Variants in STAG1 observed in about 807,000 individuals in gnomAD.
STAG1 encodes the protein STAG1 cohesin complex component.
STAG1 carries 26 observed loss-of-function variants against 170.9 expected under a neutral mutation model. The observed-to-expected ratio is 0.15, with a 90% CI of 0.11 to 0.21. The LOEUF is 0.21. Ranked by LOEUF, STAG1 falls within the 10% of genes least tolerant of loss-of-function variation. The pLI, the probability that STAG1 is intolerant of heterozygous loss-of-function variation, is 1.00. For synonymous variants in STAG1, 514 were observed against 497.7 expected (o/e 1.03, Z -0.44); for missense variants, 964 against 1,509.5 (o/e 0.64, Z 5.99).
rs568370108 is a variant in STAG1, at chr3:136,644,838, A to T, written c.-83-13857T>A. On this transcript the variant is annotated intron_variant, in intron 1 of 33. Coordinates refer to ENST00000383202, the MANE Select transcript of STAG1 (RefSeq NM_005862.3). ...CCGGCTCAAGCCATCCTCCTACCTC[A>T]GCCTCCCCAGTAGCTGGGACTATAG... 2.0e-5 allele frequency among the ~76,000 whole-genome samples: 3 copies of T among 152,064 alleles called. No individual in the cohort carries two copies. In the South Asian group the frequency reaches 6.2e-4, roughly 32 times the overall value.
rs12497848 is a variant in STAG1 at position 136,674,177 on chromosome 3, G to A, written c.-83-43196C>T. Among the ~76,000 whole-genome samples the A allele has an allele frequency of 1.3e-3, 34 of 26,670 alleles. 5 individuals are homozygous for A. The highest frequency in any genetic ancestry group is 3.6e-3 in the African/African-American group (28 of 7,868). 17.5% of individuals were successfully genotyped at this position (26,670 alleles called of 152,430 possible). A position where few individuals can be genotyped will look rare whatever the true frequency, so the allele number is the denominator to read the frequency against. The stretch of plus-strand genomic sequence containing the variant: ...AGAGAGGGAGGGAGGGAGGGAAGGA[G>A]GGAGGGAGGGAGGGAAGGAGGGAAG... On this transcript the variant is annotated intron_variant, in intron 1 of 33. Coordinates refer to ENST00000383202, the MANE Select transcript of STAG1 (RefSeq NM_005862.3).
intron 19 of STAG1, among the ~76,000 whole-genome samples, 199 bp from the exon 20 acceptor site, chr3:136,421,362 T>A (rs1292394859): frequency 2.0e-5 from 3 of 152,202 alleles, no homozygotes. Context: ...TAAATAATGT[T>A]GTGATAAACA....
chr3:136,350,502 C>T (rs1936396443), intron 28 of STAG1, among the ~76,000 whole-genome samples: 1 of 152,176 alleles, frequency 6.6e-6, no homozygotes, highest in African/African-American at 2.4e-5. Context: ...CACTGGAACC[C>T]TGAATGCCCC....
At chr3:136,705,304 G>A (rs1272744393) in intron 1 of STAG1, among the ~76,000 whole-genome samples, 1 of 151,672 alleles carries the variant, frequency 6.6e-6, no homozygotes, top group Non-Finnish European at 1.5e-5. Flanking sequence ...AAGAATGAAG[G>A]ATGGTTTATC....
At chr3:136,567,665 A>G (rs1214590590) in intron 5 of STAG1, among the ~76,000 whole-genome samples, 2 of 152,178 alleles carry the variant, frequency 1.3e-5, no homozygotes, top group African/African-American at 2.4e-5. Flanking sequence ...TTGACTCTCA[A>G]TCTTGAGTTT....
rs367664587 is a variant in STAG1 at position 136,630,863 on chromosome 3, T to C, written c.29+7A>G. ...AAATATAAAAAAAAGAAAATTACAA[T>C]ACTTACTGTAACACTGGTAATTCTG... On this transcript the variant is annotated splice_region_variant and intron_variant, in intron 2 of 33. Transcript: ENST00000383202. 1.3e-6 allele frequency: 2 copies of C among 1,542,484 alleles called. No individual in the cohort carries two copies. The highest frequency in any genetic ancestry group is 2.8e-5 in the African/African-American group (2 of 72,116).
Position 136,510,468 on chromosome 3 carries a change from T to C in STAG1, c.677-7689A>G, listed in dbSNP as rs146689163. ...CCAGCCCAGCTAATTTTTGTATTTT[T>C]AGTAGAGATGAGGCTTTCACCATGT... On this transcript the variant is annotated intron_variant, in intron 7 of 33. Coordinates refer to ENST00000383202, the MANE Select transcript of STAG1 (RefSeq NM_005862.3). Among the ~76,000 whole-genome samples, 1,298 of 151,716 alleles carry C rather than the reference T, an allele frequency of 8.6e-3. 22 individuals carry two copies. Among genetic ancestry groups the C allele is most frequent in the African/African-American group, 0.03 (1,240 of 41,352 alleles).
chr3:136,645,153 C>T lies in STAG1; in HGVS notation c.-83-14172G>A, dbSNP rs1211195959. Among the ~76,000 whole-genome samples the T allele has an allele frequency of 5.9e-5, 9 of 152,106 alleles. No homozygotes were observed. The East Asian group carries it at 1.5e-3, about 26-fold the overall frequency. On this transcript the variant is annotated intron_variant, in intron 1 of 33. Coordinates refer to ENST00000383202, the MANE Select transcript of STAG1 (RefSeq NM_005862.3). ...ACAATTGATATTTTGCTTTTTAAGTCCCAAAACACTTAAGCATATTGAATG... is the reference window on the plus strand; with the variant it reads ...ACAATTGATATTTTGCTTTTTAAGTTCCAAAACACTTAAGCATATTGAATG...
chr3:136,574,465 TACAC>T (rs1937384392), intron 4 of STAG1, among the ~76,000 whole-genome samples: 1 of 151,976 alleles, frequency 6.6e-6, no homozygotes, highest in South Asian at 2.1e-4. Context: ...TACACATACA[TACAC>T]ACACATATAT....
chr3:136,492,281 C>T (rs754333990), intron 9 of STAG1, among the ~76,000 whole-genome samples: 1 of 152,148 alleles, frequency 6.6e-6, no homozygotes, highest in Non-Finnish European at 1.5e-5. Context: ...AGATCCAATA[C>T]TAGTTTATGC....
At chr3:136,709,524 C>A (rs1387444659) in intron 1 of STAG1, among the ~76,000 whole-genome samples, 1 of 151,708 alleles carries the variant, frequency 6.6e-6, no homozygotes, top group African/African-American at 2.4e-5. Context: ...TGCTTGAGGT[C>A]AGGAGTTCAA....
At chr3:136,605,160 C>T (rs1185728853) in intron 3 of STAG1, among the ~76,000 whole-genome samples, 1 of 152,164 alleles carries the variant, frequency 6.6e-6, no homozygotes, top group Non-Finnish European at 1.5e-5. Flanking sequence ...AGTCATGCAA[C>T]AAATATGCTG....
At chr3:136,485,480 C>T (rs1576518648) in intron 9 of STAG1, among the ~76,000 whole-genome samples, 2 of 151,948 alleles carry the variant, frequency 1.3e-5, no homozygotes, top group East Asian at 3.9e-4. Context: ...AGTAGCTCTA[C>T]TATAAACTGT....
At chr3:136,505,476 A>C (rs1933709989) in intron 7 of STAG1, among the ~76,000 whole-genome samples, 1 of 152,250 alleles carries the variant, frequency 6.6e-6, no homozygotes, top group Non-Finnish European at 1.5e-5. Flanking sequence ...TGATTTTAAT[A>C]ACATGACACT....
chr3:136,443,215 G>A lies in STAG1; in HGVS notation c.1546+72C>T, dbSNP rs572493378. 204 of 994,456 alleles carry A rather than the reference G, an allele frequency of 2.1e-4. No homozygotes were observed. The South Asian group carries it at 3.4e-3, about 16-fold the overall frequency. The allele number at this position is 994,456 out of a possible 1,614,324, so 61.6% of individuals were successfully genotyped here. The stretch of plus-strand genomic sequence containing the variant: ...TTATATATGCTCATTTTTAAGAAGC[G>A]ATCTATATACAACTGTATTGCTATC... On this transcript the variant is annotated intron_variant, in intron 15 of 33. Coordinates refer to ENST00000383202, the MANE Select transcript of STAG1 (RefSeq NM_005862.3).
intron 5 of STAG1, among the ~76,000 whole-genome samples, chr3:136,548,689 A>G (rs567841015): frequency 4.0e-5 from 6 of 151,844 alleles, no homozygotes; most frequent in Non-Finnish European, 8.8e-5. Flanking sequence ...GTCTCCTTTA[A>G]TTTCTTTCAT....
intron 21 of STAG1, among the ~76,000 whole-genome samples, chr3:136,408,753 C>T (rs1290787525): frequency 6.6e-6 from 1 of 152,024 alleles, no homozygotes; most frequent in Non-Finnish European, 1.5e-5. Context: ...AGTGTGTGTG[C>T]TGATGAAGAA....
chr3:136,613,858 G>C (rs535465778), intron 3 of STAG1, among the ~76,000 whole-genome samples: 1 of 152,258 alleles, frequency 6.6e-6, no homozygotes, highest in East Asian at 1.9e-4. Context: ...ACTGGACCCA[G>C]ACTGATTCTT....
At chr3:136,373,561 T>A (rs1464075891) in intron 23 of STAG1, among the ~76,000 whole-genome samples, 2 of 152,218 alleles carry the variant, frequency 1.3e-5, no homozygotes, top group African/African-American at 4.8e-5. Flanking sequence ...TTTGTTCTCG[T>A]TGGTTTCAAA....
Sources: gnomAD v4.1 joint callset for allele counts (sites outside exome capture counted in the v4.1 genomes callset) on GRCh38, gnomAD v4.1.1 for gene constraint, MANE v1.5 for transcripts, NCBI Gene and HGNC (gene_info 2026-07-23, HGNC 2026-07-21) for gene names.